IGF2BP2: variants seen among roughly 807,000 people sequenced by gnomAD.
IGF2BP2 encodes the protein insulin like growth factor 2 mRNA binding protein 2.
IGF2BP2 carries 17 observed loss-of-function variants against 75.8 expected under a neutral mutation model. The observed-to-expected ratio is 0.22, with a 90% CI of 0.15 to 0.34. IGF2BP2 has a LOEUF of 0.34. IGF2BP2 is among the 10% of genes least tolerant of loss of function. The pLI is 1.00. For synonymous variants in IGF2BP2, 288 were observed against 295.6 expected (o/e 0.97, Z 0.26); for missense variants, 516 against 772.4 (o/e 0.67, Z 3.93).
chr3:185,648,089 C>CGTTCTT (rs1371700051), intron 14 of IGF2BP2, among the ~76,000 whole-genome samples: 1 of 152,218 alleles, frequency 6.6e-6, no homozygotes, highest in African/African-American at 2.4e-5. Flanking sequence ...CACACCGCTT[C>CGTTCTT]GTTCTTTCGT....
intron 2 of IGF2BP2, chr3:185,713,350 ATATGC>A: frequency 2.0e-6 from 1 of 510,788 alleles, no homozygotes; most frequent in South Asian, 1.4e-5. Flanking sequence ...TTTTAAAATA[ATATGC>A]TTTAGCAGCA....
At chr3:185,751,031 A>G (rs1037703910) in intron 2 of IGF2BP2, among the ~76,000 whole-genome samples, 1 of 152,120 alleles carries the variant, frequency 6.6e-6, no homozygotes, top group Non-Finnish European at 1.5e-5. Flanking sequence ...AGCCTGGCCA[A>G]CATAGTGAAA....
At chr3:185,732,635 C>T (rs750802500) in intron 2 of IGF2BP2, among the ~76,000 whole-genome samples, 2 of 152,180 alleles carry the variant, frequency 1.3e-5, no homozygotes, top group Non-Finnish European at 2.9e-5. Context: ...ATGTCTCAAG[C>T]TCTCTAAAAT....
chr3:185,670,177 AAC>A (rs1270677357), intron 10 of IGF2BP2, among the ~76,000 whole-genome samples: 2 of 152,258 alleles, frequency 1.3e-5, no homozygotes, highest in Non-Finnish European at 2.9e-5. Context: ...AATAACAGGA[AAC>A]ACATATTTTA....
intron 2 of IGF2BP2, chr3:185,728,749 GAGC>G (rs1727715630): frequency 1.3e-5 from 2 of 152,222 alleles, no homozygotes; most frequent in South Asian, 4.1e-4. Flanking sequence ...TAAGCAGCAG[GAGC>G]AGGATTCAAA....
intron 2 of IGF2BP2, among the ~76,000 whole-genome samples, chr3:185,732,152 C>A (rs996846418): frequency 6.6e-6 from 1 of 152,132 alleles, no homozygotes; most frequent in Non-Finnish European, 1.5e-5. Flanking sequence ...CCTGTATATC[C>A]CTTTTCTATA....
At position 185,645,643 on chromosome 3, in the gene IGF2BP2, G is replaced by T; in HGVS notation, c.1708-20C>A. The T allele has an allele frequency of 6.3e-7, 1 of 1,597,742 alleles. No homozygotes were observed. Among genetic ancestry groups the T allele is most frequent in the Admixed American group, 1.7e-5 (1 of 59,990 alleles). On this transcript the variant is annotated intron_variant, in intron 15 of 15. Coordinates refer to ENST00000382199, the MANE Select transcript of IGF2BP2 (RefSeq NM_006548.6). This position sits in a 1 kb window ranked among gnomAD's most constrained non-coding sequence, Gnocchi z 4.9. Reference sequence around the variant, plus strand: ...TGCAGTCTGCAGCAAGGGAGAGAAGGGAGAGGAAGGGACAGGGGAAAAAAG... The same window carrying T: ...TGCAGTCTGCAGCAAGGGAGAGAAGTGAGAGGAAGGGACAGGGGAAAAAAG...
chr3:185,793,355 G>A (rs1256942482), intron 2 of IGF2BP2, among the ~76,000 whole-genome samples: 1 of 152,170 alleles, frequency 6.6e-6, no homozygotes, highest in Non-Finnish European at 1.5e-5. Context: ...GATGTTGGGA[G>A]ATCAGTGATA....
At chr3:185,801,531 G>A (rs1471316922) in intron 2 of IGF2BP2, among the ~76,000 whole-genome samples, 1 of 151,120 alleles carries the variant, frequency 6.6e-6, no homozygotes, top group Non-Finnish European at 1.5e-5. Context: ...AACAGATGCT[G>A]GCGAGGCTGT....
chr3:185,734,888 T>A (rs1728652202), intron 2 of IGF2BP2, among the ~76,000 whole-genome samples: 1 of 152,118 alleles, frequency 6.6e-6, no homozygotes, highest in African/African-American at 2.4e-5. Flanking sequence ...CTTGGCCAAT[T>A]ACTCAACTCC....
chr3:185,649,593 A>C (rs1714218256), intron 13 of IGF2BP2, 59 bp from the exon 14 acceptor site: 1 of 1,601,036 alleles, frequency 6.2e-7, no homozygotes, highest in East Asian at 2.2e-5. Flanking sequence ...CCACTTCATC[A>C]GTGCTGCGAA....
chr3:185,746,248 T>C lies in IGF2BP2; in HGVS notation c.240-47901A>G, dbSNP rs531103066. Among the ~76,000 whole-genome samples, 12 of 152,316 alleles carry C rather than the reference T, an allele frequency of 7.9e-5. No homozygotes were observed. The East Asian group carries it at 2.1e-3, about 27-fold the overall frequency. On this transcript the variant is annotated intron_variant, in intron 2 of 15. Coordinates refer to ENST00000382199, the MANE Select transcript of IGF2BP2 (RefSeq NM_006548.6). ...TTGACAAATTTGACTTGGGGGCACC[T>C]TGAGTGGGCGGAGGGCAATCAAAGT... is the stretch of plus-strand genomic sequence containing the variant.
chr3:185,803,296 A>G (rs1247634750), intron 2 of IGF2BP2, among the ~76,000 whole-genome samples: 2 of 152,220 alleles, frequency 1.3e-5, no homozygotes, highest in African/African-American at 4.8e-5. Context: ...GGTTGCAGTG[A>G]GCCGAGATCA....
At chr3:185,648,518 T>C (rs1352153983) in intron 14 of IGF2BP2, among the ~76,000 whole-genome samples, 2 of 146,884 alleles carry the variant, frequency 1.4e-5, no homozygotes, top group Admixed American at 1.4e-4. Context: ...CATATACATA[T>C]ATACACATAC....
intron 7 of IGF2BP2, among the ~76,000 whole-genome samples, chr3:185,677,708 CTAAA>C (rs2149256202): frequency 1.3e-5 from 2 of 152,106 alleles, no homozygotes; most frequent in East Asian, 1.9e-4. Context: ...AGACAGACAA[CTAAA>C]TAAAGTCAGA....
At position 185,800,712 on chromosome 3, in the gene IGF2BP2, C is replaced by CAA. The variant is rs771161283; in HGVS notation, c.239+22439_239+22440dup. Among the ~76,000 whole-genome samples, 624 of 82,250 alleles carry CAA rather than the reference C, an allele frequency of 7.6e-3. 6 individuals are homozygous for CAA. Among genetic ancestry groups the CAA allele is most frequent in the African/African-American group, 0.018 (340 of 18,980 alleles). The allele number at this position is 82,250 out of a possible 152,430, so 54.0% of individuals were successfully genotyped here. On this transcript the variant is annotated intron_variant, in intron 2 of 15. Transcript: ENST00000382199. ...AGAAGTTGCCACTTGGTGACTGAGC[C>CAA]AAAAAAAAAGAAAGAAAGAAAGAAA...
intron 2 of IGF2BP2, among the ~76,000 whole-genome samples, chr3:185,741,623 A>G (rs1729568237): frequency 6.6e-6 from 1 of 152,182 alleles, no homozygotes; most frequent in South Asian, 2.1e-4. Flanking sequence ...GGAGAACTCA[A>G]CCCAGAACAA....
At chr3:185,802,302 C>CTTGACTAACCAAGACATGTTT (rs1335152628) in intron 2 of IGF2BP2, among the ~76,000 whole-genome samples, 2 of 152,202 alleles carry the variant, frequency 1.3e-5, no homozygotes, top group Non-Finnish European at 2.9e-5. Context: ...ATGAAGTGTT[C>CTTGACTAACCAAGACATGTTT]TTGACTAACC....
chr3:185,774,317 C>T (rs920124197), intron 2 of IGF2BP2, among the ~76,000 whole-genome samples: 2 of 152,206 alleles, frequency 1.3e-5, no homozygotes, highest in South Asian at 4.1e-4. Flanking sequence ...AAAAACAGGC[C>T]GGGCATGGTG....
Sources: gnomAD v4.1 joint callset for allele counts (sites outside exome capture counted in the v4.1 genomes callset) on GRCh38, gnomAD v4.1.1 for gene constraint, Gnocchi (gnomAD v3.1) non-coding constraint, MANE v1.5 for transcripts, NCBI Gene and HGNC (gene_info 2026-07-23, HGNC 2026-07-21) for gene names.